The following SH2B1 variants were observed in gnomAD, a reference collection of about 807,000 sequenced individuals.
SH2B1 encodes SH2B adaptor protein 1.
A neutral mutation model predicts 62.6 loss-of-function variants in SH2B1; 15 were observed. The ratio of observed to expected loss-of-function variants is 0.24; its 90% CI spans 0.16 to 0.37. SH2B1 has a LOEUF of 0.37. Among genes scored for constraint, SH2B1 ranks in the 10% least tolerant of loss-of-function variants. The pLI is 1.00. For synonymous variants in SH2B1, 443 were observed against 438.0 expected, an observed-to-expected ratio of 1.01 and a Z score of -0.14; for missense variants, 925 against 1,015.6, an observed-to-expected ratio of 0.91 and a Z score of 1.21.
At chr16:28,848,362 C>T (rs760131301) in intron 1 of SH2B1, among the ~76,000 whole-genome samples, 9 of 152,034 alleles carry the variant, frequency 5.9e-5, no homozygotes, top group Non-Finnish European at 1.2e-4. Context: ...TGTTTGCACC[C>T]GGGAGGCGGA....
At position 28,872,726 on chromosome 16, in the gene SH2B1, G is replaced by A; in HGVS notation, c.1897+21G>A. On this transcript the variant is annotated intron_variant, in intron 7 of 7. Transcript: ENST00000684370. The surrounding 1 kb of genome is among the most constrained non-coding windows in gnomAD (Gnocchi z 5.3). ...GCAGGGTGAGCAGAGCAGGTCTGCA[G>A]GGGAGGAGGTGCCCGTGCACCCAAG... 6.2e-7 allele frequency: 1 copy of A among 1,613,876 alleles called. No individual in the cohort carries two copies. The highest frequency in any genetic ancestry group is 8.5e-7 in the Non-Finnish European group (1 of 1,179,878).
At chr16:28,867,557 C>G (rs914818365) in intron 2 of SH2B1, 125 bp downstream of exon 2, 3 of 702,660 alleles carry the variant, frequency 4.3e-6, no homozygotes, top group Non-Finnish European at 7.6e-6. Context: ...AGAGTGTGTC[C>G]CTGGGGCTGC....
In SH2B1 at chr16:28,869,500, C is replaced by T. The variant is rs150696343; in HGVS notation, c.1309+117C>T. 14 of 906,872 alleles carry T rather than the reference C, an allele frequency of 1.5e-5. No homozygotes were observed. In the East Asian group the frequency reaches 3.7e-4, roughly 24 times the overall value. 56.2% of individuals were successfully genotyped at this position (906,872 alleles called of 1,614,324 possible). On this transcript the variant is annotated intron_variant, in intron 4 of 7. Transcript: ENST00000684370. ...TGCCCCCATCCCTGTTTTCCAGATGCCCTACCCCAACCCCACCAAATGTTG... is the reference window on the plus strand; with the variant it reads ...TGCCCCCATCCCTGTTTTCCAGATGTCCTACCCCAACCCCACCAAATGTTG...
intron 1 of SH2B1, among the ~76,000 whole-genome samples, chr16:28,848,653 GCACAC>G (rs1470190563): frequency 6.8e-6 from 1 of 146,940 alleles, no homozygotes. Context: ...CAAAAAGTGT[GCACAC>G]CGCACTGTCC....
intron 1 of SH2B1, among the ~76,000 whole-genome samples, chr16:28,847,720 G>T (rs1962008716): frequency 6.6e-6 from 1 of 151,666 alleles, no homozygotes; most frequent in Non-Finnish European, 1.5e-5. Context: ...TCAGGAGGCC[G>T]AGGCAGGAGG....
Position 28,866,981 on chromosome 16 carries a change from G to T in SH2B1, c.887G>T (p.Ser296Ile). 6.2e-7 allele frequency: 1 copy of T among 1,604,870 alleles called. No homozygotes were observed. The highest frequency in any genetic ancestry group is 2.2e-5 in the East Asian group (1 of 44,878). ...QWQKCRLLLR[S>I]EGEGGGGSRL... is the part of the protein sequence containing the mutation. ...CAGAAGTGTCGCCTGCTGCTTCGAA[G>T]TGAAGGAGAAGGAGGAGGAGGAAGT... Residue 296 changes from serine (S) to isoleucine (I), a missense_variant, in exon 1 of 8, where the codon AGT (serine) becomes ATT (isoleucine). Physicochemically the swap from Ser to Ile is moderately radical, Grantham distance 142. This residue lies in a region of SH2B1 where 683 missense variants were observed against 704.0 expected (regional missense o/e 0.97). Transcript: ENST00000684370. This position sits in a 1 kb window ranked among gnomAD's most constrained non-coding sequence, Gnocchi z 6.3.
At position 28,865,637 on chromosome 16, in the gene SH2B1, A is replaced by G. The variant is rs758635165; in HGVS notation, c.-458A>G. 24 of 989,302 alleles carry G rather than the reference A, an allele frequency of 2.4e-5. No homozygotes were observed. Among genetic ancestry groups the G allele is most frequent in the African/African-American group, 3.5e-5 (2 of 57,386 alleles). The allele number at this position is 989,302 out of a possible 1,614,324, so 61.3% of individuals were successfully genotyped here. On this transcript the variant is annotated 5_prime_UTR_variant, in exon 1 of 8. Coordinates refer to ENST00000684370, the MANE Select transcript of SH2B1 (RefSeq NM_001387430.1). ...CTCTCAGGGAAAGGTAAGATAACCA[A>G]GTGGGAGCCTCTAGAATGGCTCATG...
At position 28,873,616 on chromosome 16, in the gene SH2B1, G is replaced by A. The variant is rs959790667; in HGVS notation, c.2067G>A (p.Pro689=). ...EKEKAGGGGV[P]EELVPVVELV... ...AGAAAGCGGGCGGTGGAGGGGTCCCGGAAGAGCTGGTCCCCGTGGTTGAGC... is the reference window on the plus strand; with the variant it reads ...AGAAAGCGGGCGGTGGAGGGGTCCCAGAAGAGCTGGTCCCCGTGGTTGAGC... Residue 689 remains proline, a synonymous_variant, in exon 8 of 8, where the codon CCG becomes CCA. Transcript: ENST00000684370. The surrounding 1 kb of genome is among the most constrained non-coding windows in gnomAD (Gnocchi z 4.2). 2.4e-5 allele frequency: 37 copies of A among 1,546,556 alleles called. No individual in the cohort carries two copies. The highest frequency in any genetic ancestry group is 3.3e-4 in the Middle Eastern group (2 of 5,972).
In SH2B1 at chr16:28,864,369, C is replaced by G. The variant is rs770078199; in HGVS notation, c.-1726C>G. On this transcript the variant is annotated 5_prime_UTR_variant, in exon 1 of 8. Coordinates refer to ENST00000684370, the MANE Select transcript of SH2B1 (RefSeq NM_001387430.1). Reference sequence around the variant, plus strand: ...CGGGCCTGAAGGGGGCTGGGTCTGTCTGCGGTGCGGAGGATTGGGTGGGCC... The same window carrying G: ...CGGGCCTGAAGGGGGCTGGGTCTGTGTGCGGTGCGGAGGATTGGGTGGGCC... 42 of 989,706 alleles carry G rather than the reference C, an allele frequency of 4.2e-5. No homozygotes were observed. Among genetic ancestry groups the G allele is most frequent in the Admixed American group, 1.2e-4 (2 of 16,536 alleles). The allele number at this position is 989,706 out of a possible 1,614,324, so 61.3% of individuals were successfully genotyped here.
At position 28,866,140 on chromosome 16, in the gene SH2B1, C is replaced by T. The variant is rs532206639; in HGVS notation, c.46C>T (p.Pro16Ser). The change falls in exon 1 of 8, where the codon CCC (proline) becomes TCC (serine). Residue 16 changes from proline (P) to serine (S), a missense_variant. Pro to Ser is a moderately conservative substitution (Grantham distance 74). Transcript: ENST00000684370. The surrounding 1 kb of genome is among the most constrained non-coding windows in gnomAD (Gnocchi z 6.3). ...SPEDGASPSS[P>S]PLPPPPPPSW... ...AGAGGACGGGGCCTCCCCCTCGTCT[C>T]CCCCGCTGCCCCCACCCCCGCCCCC... 76 of 1,532,348 alleles carry T rather than the reference C, an allele frequency of 5.0e-5. 2 individuals are homozygous for T. The Middle Eastern group carries it at 1.4e-3, about 28-fold the overall frequency. 94.9% of individuals were successfully genotyped at this position (1,532,348 alleles called of 1,614,324 possible).
Position 28,869,195 on chromosome 16 carries a change from C to T in SH2B1, c.1134-13C>T, listed in dbSNP as rs1284107465. On this transcript the variant is annotated splice_polypyrimidine_tract_variant and intron_variant, in intron 3 of 7. Transcript: ENST00000684370. ...TGACTTTCCTCCCAGCACCATCTTC[C>T]CTGTCTCTGCAGACCCTGCCCTGCT... 3 of 1,614,000 alleles carry T rather than the reference C, an allele frequency of 1.9e-6. No homozygotes were observed. The highest frequency in any genetic ancestry group is 2.2e-5 in the South Asian group (2 of 91,078).
At chr16:28,852,668 T>G (rs1357653889) in intron 1 of SH2B1, among the ~76,000 whole-genome samples, 1 of 84,640 alleles carries the variant, frequency 1.2e-5, no homozygotes, top group South Asian at 4.1e-4. Context: ...ACATATATAT[T>G]TATATATATA....
intron 4 of SH2B1, 48 bp downstream of exon 4, chr16:28,869,431 G>GGGGCCCCTGCTGTCAGGCGCCATGCC (rs1962912561): frequency 6.4e-7 from 1 of 1,561,010 alleles, no homozygotes; most frequent in Non-Finnish European, 8.7e-7. Context: ...CCTGCCATGC[G>GGGGCCCCTGCTGTCAGGCGCCATGCC]GGGCCCCTGC....
intron 4 of SH2B1, among the ~76,000 whole-genome samples, chr16:28,870,072 C>T (rs757514717): frequency 2.0e-5 from 3 of 152,176 alleles, no homozygotes; most frequent in South Asian, 2.1e-4. Flanking sequence ...ACAGGGGCTG[C>T]GCCACCCTGT....
At chr16:28,857,786 C>T (rs1306267366) in intron 1 of SH2B1, among the ~76,000 whole-genome samples, 1 of 149,832 alleles carries the variant, frequency 6.7e-6, no homozygotes, top group East Asian at 2.0e-4. Flanking sequence ...GTTGCCCAGG[C>T]TGGAGTGCAG....
At chr16:28,848,667 CCT>C (rs1567456701) in intron 1 of SH2B1, among the ~76,000 whole-genome samples, 3 of 127,904 alleles carry the variant, frequency 2.3e-5, no homozygotes, top group African/African-American at 9.5e-5. Flanking sequence ...ACCGCACTGT[CCT>C]TTTTTTTTTT....
intron 4 of SH2B1, 27 bp downstream of exon 4, chr16:28,869,410 G>T: frequency 6.3e-7 from 1 of 1,595,728 alleles, no homozygotes. Flanking sequence ...AGAGAGCTCG[G>T]AGCCTCGGAA....
intron 4 of SH2B1, among the ~76,000 whole-genome samples, chr16:28,871,497 C>T (rs1219445030): frequency 1.3e-5 from 2 of 152,192 alleles, no homozygotes; most frequent in African/African-American, 2.4e-5. Context: ...AGGCATTCTG[C>T]TCTCCGTTTC....
chr16:28,866,089 C>G lies in SH2B1; in HGVS notation c.-6C>G. ...GGCTCCCCCTCTCCACCTCCTGGGG[C>G]CCATCATGAATGGTGCCCCTTCCCC... On this transcript the variant is annotated 5_prime_UTR_variant, in exon 1 of 8. Transcript: ENST00000684370. The surrounding 1 kb of genome is among the most constrained non-coding windows in gnomAD (Gnocchi z 6.3). The G allele has an allele frequency of 6.5e-7, 1 of 1,546,282 alleles. No individual in the cohort carries two copies. Among genetic ancestry groups the G allele is most frequent in the Non-Finnish European group, 8.7e-7 (1 of 1,150,062 alleles).
Sources: allele counts gnomAD v4.1 joint callset (sites outside exome capture counted in the v4.1 genomes callset), GRCh38; gene constraint gnomAD v4.1.1; regional missense constraint gnomAD v4.1.1; non-coding constraint Gnocchi (gnomAD v3.1); transcripts MANE v1.5; gene names NCBI Gene and HGNC (gene_info 2026-07-23, HGNC 2026-07-21).